EPHA10: variants seen among roughly 807,000 people sequenced by gnomAD.
EPHA10 encodes EPH receptor A10.
Under a neutral mutation model 109.7 loss-of-function variants are expected in EPHA10, and 120 were observed. The observed-to-expected ratio is 1.09, with a 90% confidence interval of 0.94 to 1.27. The LOEUF (loss-of-function observed/expected upper bound fraction) is 1.27, where lower values mean the gene tolerates loss of function less well. Ranked by LOEUF, EPHA10 falls within the 50% of genes most tolerant of loss-of-function variation. The pLI is 0.00. For synonymous variants in EPHA10, 640 were observed against 618.9 expected (o/e 1.03, Z -0.51); for missense variants, 1,396 against 1,411.1 (o/e 0.99, Z 0.17).
intron 5 of EPHA10, among the ~76,000 whole-genome samples, chr1:37,736,229 C>T (rs1220206636): frequency 6.6e-6 from 1 of 152,038 alleles, no homozygotes; most frequent in Non-Finnish European, 1.5e-5. Flanking sequence ...AGGTGGATCA[C>T]TTGACGTCAG....
chr1:37,762,585 CTTT>C (rs34513765), intron 2 of EPHA10, among the ~76,000 whole-genome samples, 197 bp downstream of exon 2: 19 of 141,566 alleles, frequency 1.3e-4, no homozygotes, highest in African/African-American at 4.7e-4. Context: ...CACTTATTCA[CTTT>C]TTTTTTTTTT....
At chr1:37,726,471 C>T (rs890346967) in intron 8 of EPHA10, among the ~76,000 whole-genome samples, 2 of 152,198 alleles carry the variant, frequency 1.3e-5, no homozygotes, top group Non-Finnish European at 2.9e-5. Flanking sequence ...CCCATCTGGG[C>T]GACTCTGCCT....
chr1:37,735,279 T>C lies in EPHA10; in HGVS notation c.1469A>G (p.Tyr490Cys). The change falls in exon 6 of 17, where the codon TAC becomes TGC. Residue 490 changes from tyrosine to cysteine, a missense_variant. Coordinates refer to ENST00000373048, the MANE Select transcript of EPHA10 (RefSeq NM_001099439.2). ...AGAPGANDTE[Y>C]EIRYYEKGQS... ...CACCTTCTCGTAGTATCGGATCTCG[T>C]ACTCCGTGTCATTGGCCCCAGGGGC... is the stretch of plus-strand genomic sequence containing the variant. 1.3e-6 allele frequency: 2 copies of C among 1,564,998 alleles called. No individual in the cohort carries two copies. The highest frequency in any genetic ancestry group is 1.7e-6 in the Non-Finnish European group (2 of 1,154,764).
chr1:37,751,322 A>C (rs939519757), intron 5 of EPHA10, among the ~76,000 whole-genome samples: 2 of 151,808 alleles, frequency 1.3e-5, no homozygotes, highest in African/African-American at 4.8e-5. Flanking sequence ...TAATCCCAGC[A>C]CTTTGGGAGG....
intron 7 of EPHA10, among the ~76,000 whole-genome samples, chr1:37,731,121 A>T (rs1010908896): frequency 2.6e-5 from 4 of 152,206 alleles, no homozygotes; most frequent in Admixed American, 2.6e-4. Context: ...GTCTCTATCC[A>T]AACTGAGTCT....
At position 37,717,770 on chromosome 1, in the gene EPHA10, A is replaced by G. The variant is rs2148299959; in HGVS notation, c.*602T>C. 4.3e-6 allele frequency: 1 copy of G among 230,840 alleles called. No homozygotes were observed. The highest frequency in any genetic ancestry group is 2.2e-5 in the African/African-American group (1 of 45,240). The allele number at this position is 230,840 out of a possible 1,614,324, so 14.3% of individuals were successfully genotyped here. A position where few individuals can be genotyped will look rare whatever the true frequency, so the allele number is the denominator to read the frequency against. The stretch of plus-strand genomic sequence containing the variant: ...GATCCTGAGTCTAGGGCTCTTGGGT[A>G]TCAGCCCCTGAGCTCAGCACCATCT... On this transcript the variant is annotated 3_prime_UTR_variant, in exon 17 of 17. Coordinates refer to ENST00000373048, the MANE Select transcript of EPHA10 (RefSeq NM_001099439.2).
At chr1:37,718,511 G>C (rs570884245) in intron 16 of EPHA10, 25 bp from the exon 17 acceptor site, 7 of 1,612,560 alleles carry the variant, frequency 4.3e-6, no homozygotes, top group Non-Finnish European at 5.9e-6. Flanking sequence ...GGTCACACTC[G>C]GCTGGCTTGT....
intron 5 of EPHA10, among the ~76,000 whole-genome samples, chr1:37,742,285 CAT>C (rs1037938004): frequency 2.0e-5 from 3 of 152,150 alleles, no homozygotes; most frequent in Admixed American, 2.0e-4. Context: ...ATTTTTGGTT[CAT>C]AGTCTACTGT....
At chr1:37,760,326 C>T (rs1031930471) in intron 3 of EPHA10, 9 of 1,046,092 alleles carry the variant, frequency 8.6e-6, no homozygotes, top group Non-Finnish European at 1.0e-5. Context: ...TTAATAACCC[C>T]ATCATCACCC....
chr1:37,720,515 A>G lies in EPHA10; in HGVS notation c.2248T>C (p.Leu750=), dbSNP rs1362774560. 1 of 1,612,770 alleles carries G rather than the reference A, an allele frequency of 6.2e-7. No homozygotes were observed. The highest frequency in any genetic ancestry group is 8.5e-7 in the Non-Finnish European group (1 of 1,179,782). Reference sequence around the variant, plus strand: ...ATGGCTGATGCCAGCCCAGGCAGCAACCCCATCAGTTGCCCAGCCACCAGC... The same window carrying G: ...ATGGCTGATGCCAGCCCAGGCAGCAGCCCCATCAGTTGCCCAGCCACCAGC... The part of the protein sequence containing the change: ...GQLVAGQLMG[L]LPGLASAMKY... The change falls in exon 13 of 17, where the codon TTG becomes CTG. Residue 750 remains leucine (L), a synonymous_variant. Coordinates refer to ENST00000373048, the MANE Select transcript of EPHA10 (RefSeq NM_001099439.2).
intron 10 of EPHA10, 171 bp downstream of exon 10, chr1:37,722,870 G>A (rs1645821618): frequency 2.1e-6 from 2 of 960,566 alleles, no homozygotes; most frequent in Non-Finnish European, 3.2e-6. Flanking sequence ...GGCAAGCCAG[G>A]GACTTTCTGG....
At position 37,717,833 on chromosome 1, in the gene EPHA10, C is replaced by T. The variant is rs930668249; in HGVS notation, c.*539G>A. 1 of 235,242 alleles carries T rather than the reference C, an allele frequency of 4.3e-6. No homozygotes were observed. Among genetic ancestry groups the T allele is most frequent in the Non-Finnish European group, 8.4e-6 (1 of 119,222 alleles). The allele number at this position is 235,242 out of a possible 1,614,324, so 14.6% of individuals were successfully genotyped here. A position where few individuals can be genotyped will look rare whatever the true frequency, so the allele number is the denominator to read the frequency against. ...GCCTTGGCCAGTGTCCAGTCAGCCCCTGCCAAGGCACAGGGAGCTGAGGTG... is the reference window on the plus strand; with the variant it reads ...GCCTTGGCCAGTGTCCAGTCAGCCCTTGCCAAGGCACAGGGAGCTGAGGTG... On this transcript the variant is annotated 3_prime_UTR_variant, in exon 17 of 17. Coordinates refer to ENST00000373048, the MANE Select transcript of EPHA10 (RefSeq NM_001099439.2).
chr1:37,723,389 G>A lies in EPHA10; in HGVS notation c.1773-17C>T, dbSNP rs1192197497. The A allele has an allele frequency of 1.9e-6, 3 of 1,613,590 alleles. No homozygotes were observed. The highest frequency in any genetic ancestry group is 1.1e-5 in the South Asian group (1 of 91,014). On this transcript the variant is annotated splice_polypyrimidine_tract_variant and intron_variant, in intron 8 of 16. Transcript: ENST00000373048. Reference sequence around the variant, plus strand: ...CTGCAGGGCCTGGCAGGGAGTTCAGGGTCATTCTTTCAGCCAGGCCACCCC... The same window carrying A: ...CTGCAGGGCCTGGCAGGGAGTTCAGAGTCATTCTTTCAGCCAGGCCACCCC...
In EPHA10 at chr1:37,752,946, G is replaced by A; in HGVS notation, c.1287C>T (p.Asn429=). Residue 429 remains asparagine, a synonymous_variant, in exon 5 of 17, where the codon AAC becomes AAT. Coordinates refer to ENST00000373048, the MANE Select transcript of EPHA10 (RefSeq NM_001099439.2). The part of the protein sequence containing the change: ...ARYTVRVAAL[N]GVSGPAAAAG... ...CGGCGGCCGCCGGGCCCGAGACGCC[G>A]TTGAGCGCGGCCACGCGCACGGTGT... 7.7e-7 allele frequency: 1 copy of A among 1,300,312 alleles called. No individual in the cohort carries two copies. Among genetic ancestry groups the A allele is most frequent in the Non-Finnish European group, 9.7e-7 (1 of 1,027,308 alleles). The allele number at this position is 1,300,312 out of a possible 1,614,324, so 80.5% of individuals were successfully genotyped here. A position where few individuals can be genotyped will look rare whatever the true frequency, so the allele number is the denominator to read the frequency against.
Position 37,765,012 on chromosome 1 carries a change from G to T in EPHA10, c.55C>A (p.Leu19Ile). 1 of 1,610,982 alleles carries T rather than the reference G, an allele frequency of 6.2e-7. No homozygotes were observed. ...GGTCCCAAAAGCAGCGCGAGACAGAGCTGCATCCGGCAGAGGAAGAGGCGC... is the reference window on the plus strand; with the variant it reads ...GGTCCCAAAAGCAGCGCGAGACAGATCTGCATCCGGCAGAGGAAGAGGCGC... ...PLRLFLCRMQLCLALLLGPWR... is the reference protein window; with the variant it reads ...PLRLFLCRMQICLALLLGPWR... Residue 19 changes from leucine (L) to isoleucine (I), a missense_variant, in exon 1 of 17, where the codon CTC becomes ATC. Physicochemically the swap from Leu to Ile is conservative, Grantham distance 5 (BLOSUM62 2). Coordinates refer to ENST00000373048, the MANE Select transcript of EPHA10 (RefSeq NM_001099439.2).
intron 1 of EPHA10, among the ~76,000 whole-genome samples, chr1:37,763,349 C>T (rs1646449681): frequency 6.6e-6 from 1 of 152,196 alleles, no homozygotes; most frequent in African/African-American, 2.4e-5. Context: ...CACACTGCCT[C>T]CTCCTCTGAC....
chr1:37,762,129 T>A lies in EPHA10; in HGVS notation c.172-46A>T, dbSNP rs755671890. On this transcript the variant is annotated intron_variant, in intron 2 of 16. Coordinates refer to ENST00000373048, the MANE Select transcript of EPHA10 (RefSeq NM_001099439.2). Reference sequence around the variant, plus strand: ...GTGGGCAGCCCAGAGCCAAAGTGCTTCCAGGAGGTGGAGCGCTAGCAGTGA... The same window carrying A: ...GTGGGCAGCCCAGAGCCAAAGTGCTACCAGGAGGTGGAGCGCTAGCAGTGA... 4 of 1,519,822 alleles carry A rather than the reference T, an allele frequency of 2.6e-6. No homozygotes were observed. The South Asian group carries it at 5.2e-5, about 20-fold the overall frequency. The allele number at this position is 1,519,822 out of a possible 1,614,324, so 94.1% of individuals were successfully genotyped here.
Position 37,764,857 on chromosome 1 carries a change from A to G in EPHA10, c.106+104T>C. 1 of 1,017,974 alleles carries G rather than the reference A, an allele frequency of 9.8e-7. No homozygotes were observed. Among genetic ancestry groups the G allele is most frequent in the Non-Finnish European group, 1.4e-6 (1 of 698,790 alleles). 63.1% of individuals were successfully genotyped at this position (1,017,974 alleles called of 1,614,324 possible). A position where few individuals can be genotyped will look rare whatever the true frequency, so the allele number is the denominator to read the frequency against. ...CTGCCTGCTTGCTTCAAGCCCCAAT[A>G]CAGACTCTAGTCTCTCCAATGACTC... On this transcript the variant is annotated intron_variant, in intron 1 of 16. Coordinates refer to ENST00000373048, the MANE Select transcript of EPHA10 (RefSeq NM_001099439.2). This position sits in a 1 kb window ranked among gnomAD's most constrained non-coding sequence, Gnocchi z 5.8.
intron 6 of EPHA10, among the ~76,000 whole-genome samples, chr1:37,732,177 C>A (rs1009651006): frequency 2.6e-5 from 4 of 152,332 alleles, no homozygotes; most frequent in African/African-American, 9.6e-5. Context: ...TACTCAGTGC[C>A]AGCTTCTGCA....
Sources: allele counts gnomAD v4.1 joint callset (sites outside exome capture counted in the v4.1 genomes callset), GRCh38; gene constraint gnomAD v4.1.1; non-coding constraint Gnocchi (gnomAD v3.1); transcripts MANE v1.5; gene names NCBI Gene and HGNC (gene_info 2026-07-23, HGNC 2026-07-21).